FBXW5: variants seen among roughly 807,000 people sequenced by gnomAD.
FBXW5 encodes the protein F-box and WD repeat domain containing 5, also known as F-box/WD repeat-containing protein 5.
FBXW5 carries 74 observed loss-of-function variants against 50.9 expected under a neutral mutation model. The observed-to-expected ratio is 1.45, with a 90% CI of 1.20 to 1.76. The LOEUF is 1.76. Ranked by LOEUF, FBXW5 falls within the 40% of genes most tolerant of loss-of-function variation. The pLI is 0.00. For synonymous variants in FBXW5, 523 were observed against 362.2 expected, an observed-to-expected ratio of 1.44 and a Z score of -5.04; for missense variants, 1,073 against 818.8, an observed-to-expected ratio of 1.31 and a Z score of -3.79.
At position 136,942,634 on chromosome 9, in the gene FBXW5, GAGCCAAC is replaced by G. The variant is rs768021274; in HGVS notation, c.581_587del (p.Cys194SerfsTer40). 1.9e-6 allele frequency: 3 copies of G among 1,609,608 alleles called. No individual in the cohort carries two copies. The highest frequency in any genetic ancestry group is 1.7e-5 in the Admixed American group (1 of 59,434). On this transcript the variant is annotated frameshift_variant, in exon 5 of 9. Coordinates refer to ENST00000325285, the MANE Select transcript of FBXW5 (RefSeq NM_018998.4). LOFTEE classifies it high-confidence loss of function. ...TCCCCGAGATGAGGCTGGTCTCGGTGAGCCAACAGCCAAACACGTCATAGGGCTTGTT... is the reference window on the plus strand; with the variant it reads ...TCCCCGAGATGAGGCTGGTCTCGGTGAGCCAAACACGTCATAGGGCTTGTT...
chr9:136,943,839 G>A, intron 2 of FBXW5, 52 bp downstream of exon 2: 1 of 1,532,390 alleles, frequency 6.5e-7, no homozygotes, highest in South Asian at 1.2e-5. Context: ...CAAGCGCAGG[G>A]GCCCGGGGCC....
chr9:136,942,949 C>G lies in FBXW5; in HGVS notation c.352-6G>C, dbSNP rs374535247. 2 of 1,612,496 alleles carry G rather than the reference C, an allele frequency of 1.2e-6. No homozygotes were observed. The stretch of plus-strand genomic sequence containing the variant: ...GTCAGGTCGTTGCTCCAGATCTGTT[C>G]GGCAGGGGCGGCTGTAGTGATCGCC... On this transcript the variant is annotated splice_polypyrimidine_tract_variant and splice_region_variant and intron_variant, in intron 3 of 8. Coordinates refer to ENST00000325285, the MANE Select transcript of FBXW5 (RefSeq NM_018998.4).
rs767860206 is a variant in FBXW5, at chr9:136,943,745, G to A, written c.193+146C>T. 5 of 1,063,836 alleles carry A rather than the reference G, an allele frequency of 4.7e-6. No homozygotes were observed. In the East Asian group the frequency reaches 1.0e-4, roughly 22 times the overall value. The allele number at this position is 1,063,836 out of a possible 1,614,324, so 65.9% of individuals were successfully genotyped here. A position where few individuals can be genotyped will look rare whatever the true frequency, so the allele number is the denominator to read the frequency against. The stretch of plus-strand genomic sequence containing the variant: ...AAGCTCTGAGGGGCGCCTGCGCTGT[G>A]TCCTGACAGGCCTCTATCAGGGTGT... On this transcript the variant is annotated intron_variant, in intron 2 of 8. Coordinates refer to ENST00000325285, the MANE Select transcript of FBXW5 (RefSeq NM_018998.4).
Position 136,944,406 on chromosome 9 carries a change from C to T in FBXW5, c.-24+188G>A, listed in dbSNP as rs1040248261. On this transcript the variant is annotated intron_variant, in intron 1 of 8. Transcript: ENST00000325285. The stretch of plus-strand genomic sequence containing the variant: ...ACACCAGGCGCCGTCCGGGGACGGG[C>T]TTCCGCCGAGAGGAAGCTCGGGGCG... The T allele has an allele frequency of 5.1e-5, 42 of 816,234 alleles. No homozygotes were observed. In the African/African-American group the frequency reaches 6.6e-4, roughly 13 times the overall value. 50.6% of individuals were successfully genotyped at this position (816,234 alleles called of 1,614,324 possible). A position where few individuals can be genotyped will look rare whatever the true frequency, so the allele number is the denominator to read the frequency against.
In FBXW5 at chr9:136,942,783, G is replaced by C; in HGVS notation, c.512C>G (p.Ala171Gly). The change falls in exon 4 of 9, where the codon GCT becomes GGT. Residue 171 changes from alanine to glycine, a missense_variant. By Grantham distance (60) the Ala-to-Gly change is moderately conservative. Transcript: ENST00000325285. ...GPHNSSSGEI[A>G]VISLDSFALL... Reference sequence around the variant, plus strand: ...CCCGTGCTCACCTAGGCTGATGACAGCAATCTCGCCGGATGAGGAGTTGTG... The same window carrying C: ...CCCGTGCTCACCTAGGCTGATGACACCAATCTCGCCGGATGAGGAGTTGTG... 6.2e-7 allele frequency: 1 copy of C among 1,612,852 alleles called. No homozygotes were observed. Among genetic ancestry groups the C allele is most frequent in the Non-Finnish European group, 8.5e-7 (1 of 1,179,896 alleles).
rs1564435737 is a variant in FBXW5 at position 136,942,708 on chromosome 9, CG to C, written c.527-14del. ...AGCGCGAAGGAGTCTGTGGGGAGGC[CG>C]GGGCTGGACAGGCTGTCGGCGTGGG... On this transcript the variant is annotated splice_polypyrimidine_tract_variant and intron_variant, in intron 4 of 8. Coordinates refer to ENST00000325285, the MANE Select transcript of FBXW5 (RefSeq NM_018998.4). 1.2e-6 allele frequency: 2 copies of C among 1,610,028 alleles called. No individual in the cohort carries two copies. The highest frequency in any genetic ancestry group is 1.7e-6 in the Non-Finnish European group (2 of 1,178,864).
At chr9:136,941,983 C>G (rs1239893988) in intron 6 of FBXW5, 63 bp downstream of exon 6, 7 of 1,514,014 alleles carry the variant, frequency 4.6e-6, no homozygotes, top group African/African-American at 1.4e-5. Flanking sequence ...CCCCTCAGGA[C>G]CCCTGCCCGG....
rs964886549 is a variant in FBXW5, at chr9:136,941,265, C to G, written c.1443G>C (p.Arg481Ser). 1.5e-5 allele frequency: 24 copies of G among 1,605,862 alleles called. No homozygotes were observed. Among genetic ancestry groups the G allele is most frequent in the Non-Finnish European group, 1.8e-5 (21 of 1,179,622 alleles). Residue 481 changes from arginine to serine, a missense_variant, in exon 8 of 9, where the codon AGG becomes AGC. Arg to Ser is a moderately radical substitution (Grantham distance 110, BLOSUM62 -1). Transcript: ENST00000325285. ...ECFFIFLDVS[R>S]DFVASGAEDR... ...GCGCCCTGCACCTGGCCACGAAGTC[C>G]CTGCTGACGTCCAGGAAGATGAAGA...
Position 136,944,692 on chromosome 9 carries a change from A to G in FBXW5, c.-122T>C, listed in dbSNP as rs1850969969. 15 of 985,674 alleles carry G rather than the reference A, an allele frequency of 1.5e-5. No homozygotes were observed. In the South Asian group the frequency reaches 5.9e-4, roughly 39 times the overall value. 61.1% of individuals were successfully genotyped at this position (985,674 alleles called of 1,614,324 possible). On this transcript the variant is annotated 5_prime_UTR_variant, in exon 1 of 9. Transcript: ENST00000325285. ...GGACCGCCGCCCCCGCCCAACGGGG[A>G]GCCCGCCAGGCCCGACGCCACGAGC...
chr9:136,944,255 G>A, intron 1 of FBXW5, 149 bp from the exon 2 acceptor site: 2 of 908,010 alleles, frequency 2.2e-6, no homozygotes, highest in Non-Finnish European at 3.1e-6. Context: ...GCCCAACCAA[G>A]GACCCGGCAG....
Position 136,942,952 on chromosome 9 carries a change from C to T in FBXW5, c.352-9G>A. ...AGGTCGTTGCTCCAGATCTGTTCGG[C>T]AGGGGCGGCTGTAGTGATCGCCTGG... is the stretch of plus-strand genomic sequence containing the variant. On this transcript the variant is annotated splice_polypyrimidine_tract_variant and intron_variant, in intron 3 of 8. Coordinates refer to ENST00000325285, the MANE Select transcript of FBXW5 (RefSeq NM_018998.4). 6.2e-7 allele frequency: 1 copy of T among 1,612,508 alleles called. No homozygotes were observed. Among genetic ancestry groups the T allele is most frequent in the African/African-American group, 1.3e-5 (1 of 74,876 alleles).
rs759785463 is a variant in FBXW5 at position 136,941,190 on chromosome 9, G to C, written c.1458-19C>G. ...CGCCCCGCTGCAGAACAGCGCCTGGGTGAGCCGGCCGCCCGCCCGCTGCTG... is the reference window on the plus strand; with the variant it reads ...CGCCCCGCTGCAGAACAGCGCCTGGCTGAGCCGGCCGCCCGCCCGCTGCTG... On this transcript the variant is annotated intron_variant, in intron 8 of 8. Coordinates refer to ENST00000325285, the MANE Select transcript of FBXW5 (RefSeq NM_018998.4). 2 of 1,599,050 alleles carry C rather than the reference G, an allele frequency of 1.3e-6. No individual in the cohort carries two copies. The highest frequency in any genetic ancestry group is 1.7e-6 in the Non-Finnish European group (2 of 1,175,648).
rs1328978778 is a variant in FBXW5, at chr9:136,943,789, A to ACGCGGGGC, written c.193+94_193+101dup. On this transcript the variant is annotated intron_variant, in intron 2 of 8. Transcript: ENST00000325285. ...AGGGTGTGGGGGGGTGAGCATGGAC[A>ACGCGGGGC]CGCGGGGCCGCGGGGCGGGCCCCCA... The ACGCGGGGC allele has an allele frequency of 9.1e-6, 12 of 1,314,398 alleles. 1 individual carries two copies. The highest frequency in any genetic ancestry group is 7.1e-5 in the South Asian group (5 of 70,244). 81.4% of individuals were successfully genotyped at this position (1,314,398 alleles called of 1,614,324 possible).
rs373976724 is a variant in FBXW5 at position 136,942,334 on chromosome 9, C to T, written c.808G>A (p.Gly270Ser). ...FDSPDLLLEAGDPATSPCRIF... is the reference protein window; with the variant it reads ...FDSPDLLLEASDPATSPCRIF... ...CGGCAGGGGGACGTGGCCGGGTCAC[C>T]GGCTTCCAGCAGCAGGTCAGGGCTG... The change falls in exon 6 of 9, where the codon GGT becomes AGT. Residue 270 changes from glycine to serine, a missense_variant. Physicochemically the swap from Gly to Ser is moderately conservative, Grantham distance 56. Coordinates refer to ENST00000325285, the MANE Select transcript of FBXW5 (RefSeq NM_018998.4). The T allele has an allele frequency of 3.3e-5, 53 of 1,601,866 alleles. No homozygotes were observed. The highest frequency in any genetic ancestry group is 1.7e-4 in the African/African-American group (13 of 74,894).
In FBXW5 at chr9:136,942,677, GAC is replaced by G. The variant is rs1564435623; in HGVS notation, c.543_544del (p.Ser182ProfsTer8). 6.2e-7 allele frequency: 1 copy of G among 1,610,742 alleles called. No individual in the cohort carries two copies. The highest frequency in any genetic ancestry group is 8.5e-7 in the Non-Finnish European group (1 of 1,179,106). ...GTCATAGGGCTTGTTCCGCACGCGGGACAGCAGCGCGAAGGAGTCTGTGGGGA... is the reference window on the plus strand; with the variant it reads ...GTCATAGGGCTTGTTCCGCACGCGGGAGCAGCGCGAAGGAGTCTGTGGGGA... On this transcript the variant is annotated frameshift_variant, in exon 5 of 9. Transcript: ENST00000325285. LOFTEE classifies it high-confidence loss of function.
chr9:136,942,444 T>G lies in FBXW5; in HGVS notation c.698A>C (p.Asn233Thr). 1.2e-6 allele frequency: 2 copies of G among 1,600,946 alleles called. No individual in the cohort carries two copies. The highest frequency in any genetic ancestry group is 2.2e-5 in the East Asian group (1 of 44,530). The change falls in exon 6 of 9, where the codon AAC (asparagine) becomes ACC (threonine). Residue 233 changes from asparagine (N) to threonine (T), a missense_variant. Physicochemically the swap from Asn to Thr is moderately conservative, Grantham distance 65 (BLOSUM62 0). Transcript: ENST00000325285. ...GATCTTGAACAGCCGCTTCACCACG[T>G]TGACGTTCTCTGACTCCACATCCTG... ...AFQDVESENV[N>T]VVKRLFKIQN...
At position 136,943,036 on chromosome 9, in the gene FBXW5, C is replaced by A. The variant is rs73668377; in HGVS notation, c.352-93G>T. On this transcript the variant is annotated intron_variant, in intron 3 of 8. Transcript: ENST00000325285. ...GCCATGAGGCCCCAGCTCTGCCAGC[C>A]CTACTCAGAGGCCACCAGGGAGCAG... is the stretch of plus-strand genomic sequence containing the variant. 16,642 of 1,587,300 alleles carry A rather than the reference C, an allele frequency of 0.01. 602 individuals are homozygous for A. In the East Asian group the frequency reaches 0.1, roughly 10 times the overall value.
chr9:136,941,428 C>G lies in FBXW5; in HGVS notation c.1280G>C (p.Gly427Ala). The G allele has an allele frequency of 1.9e-6, 3 of 1,609,514 alleles. No homozygotes were observed. The highest frequency in any genetic ancestry group is 2.5e-6 in the Non-Finnish European group (3 of 1,179,866). ...CTGCATGGGGTCGGCCACCACCGCA[C>G]CGTTGGGCCAGGCGCGGCTGTTCAC... is the stretch of plus-strand genomic sequence containing the variant. ...LYVNSRAWPN[G>A]AVVADPMQPP... The change falls in exon 8 of 9, where the codon GGT (glycine) becomes GCT (alanine). Residue 427 changes from glycine (G) to alanine (A), a missense_variant. Transcript: ENST00000325285.
rs911046400 is a variant in FBXW5 at position 136,940,653 on chromosome 9, T to A, written c.*275A>T. 1.4e-5 allele frequency: 7 copies of A among 491,750 alleles called. No individual in the cohort carries two copies. Among genetic ancestry groups the A allele is most frequent in the Non-Finnish European group, 2.2e-5 (6 of 272,152 alleles). The allele number at this position is 491,750 out of a possible 1,614,324, so 30.5% of individuals were successfully genotyped here. On this transcript the variant is annotated 3_prime_UTR_variant, in exon 9 of 9. Transcript: ENST00000325285. Reference sequence around the variant, plus strand: ...AGCTGGGTCAGGTGTACCCCTAGCCTGGGGTTGAGTGAGGAGCGGCACCCC... The same window carrying A: ...AGCTGGGTCAGGTGTACCCCTAGCCAGGGGTTGAGTGAGGAGCGGCACCCC...
Sources: allele counts gnomAD v4.1 joint callset, GRCh38; gene constraint gnomAD v4.1.1; transcripts MANE v1.5; gene names NCBI Gene and HGNC (gene_info 2026-07-23, HGNC 2026-07-21).